Variants in RAPGEF4 observed in about 807,000 individuals in gnomAD.
RAPGEF4 encodes the protein Rap guanine nucleotide exchange factor 4.
Under a neutral mutation model 147.9 loss-of-function variants are expected in RAPGEF4, and 66 were observed. The observed-to-expected ratio is 0.45, with a 90% confidence interval of 0.37 to 0.55. RAPGEF4 has a LOEUF of 0.55. Among genes scored for constraint, RAPGEF4 ranks in the 20% least tolerant of loss-of-function variants. The pLI is 0.00. For missense variants in RAPGEF4, 1,071 were observed against 1,257.3 expected (o/e 0.85, Z 2.24); for synonymous variants, 419 against 442.7 (o/e 0.95, Z 0.67).
Position 173,018,718 on chromosome 2 carries a change from T to G in RAPGEF4, c.2071T>G (p.Ser691Ala). 6.2e-7 allele frequency: 1 copy of G among 1,614,110 alleles called. No homozygotes were observed. Among genetic ancestry groups the G allele is most frequent in the Non-Finnish European group, 8.5e-7 (1 of 1,180,018 alleles). The change falls in exon 22 of 31, where the codon TCG (serine) becomes GCG (alanine). Residue 691 changes from serine (S) to alanine (A), a missense_variant. Coordinates refer to ENST00000397081, the MANE Select transcript of RAPGEF4 (RefSeq NM_007023.4). The part of the protein sequence containing the change: ...YTTIRVPVAT[S>A]VKEVISAVAD... Reference sequence around the variant, plus strand: ...AACCATTCGGGTGCCAGTGGCCACTTCGGTGAAGGAAGTCATCAGTGCAGT... The same window carrying G: ...AACCATTCGGGTGCCAGTGGCCACTGCGGTGAAGGAAGTCATCAGTGCAGT...
chr2:172,903,052 G>C (rs1699237226), intron 4 of RAPGEF4, among the ~76,000 whole-genome samples: 1 of 152,120 alleles, frequency 6.6e-6, no homozygotes, highest in African/African-American at 2.4e-5. Context: ...CAGAAAAGCT[G>C]GCGGAGTTTA....
At chr2:172,868,019 C>T (rs1418740234) in intron 4 of RAPGEF4, among the ~76,000 whole-genome samples, 1 of 152,078 alleles carries the variant, frequency 6.6e-6, no homozygotes. Context: ...CAAATCATGT[C>T]GTAGTTAAAT....
intron 4 of RAPGEF4, among the ~76,000 whole-genome samples, chr2:172,885,571 G>GCACTTCTTA (rs1263609706): frequency 1.3e-5 from 2 of 152,134 alleles, no homozygotes; most frequent in African/African-American, 2.4e-5. Flanking sequence ...AAGGCAAAAG[G>GCACTTCTTA]CACTTCTTAT....
At chr2:172,774,494 T>C (rs1033549634) in intron 1 of RAPGEF4, among the ~76,000 whole-genome samples, 3 of 152,216 alleles carry the variant, frequency 2.0e-5, no homozygotes, top group Non-Finnish European at 4.4e-5. Flanking sequence ...CTTTATTATT[T>C]TGCTGTCTGG....
chr2:172,869,609 C>A (rs74990051), intron 4 of RAPGEF4, among the ~76,000 whole-genome samples: 2,176 of 152,156 alleles, frequency 0.014, 69 homozygotes, highest in African/African-American at 0.05. Context: ...AGCCATCCAC[C>A]CTCTCACTGC....
chr2:173,033,282 G>A (rs72909478), intron 26 of RAPGEF4, among the ~76,000 whole-genome samples: 39,014 of 152,006 alleles, frequency 0.26, 5,273 homozygotes, highest in Non-Finnish European at 0.28. Flanking sequence ...TGAATTACAG[G>A]CTCTAATGAG....
chr2:173,017,149 A>C (rs779914499), intron 19 of RAPGEF4, 25 bp from the exon 20 acceptor site: 8 of 1,608,238 alleles, frequency 5.0e-6, no homozygotes, highest in Non-Finnish European at 6.8e-6. Flanking sequence ...GGTATTAAAT[A>C]ATGTGCTTTC....
intron 6 of RAPGEF4, among the ~76,000 whole-genome samples, chr2:172,935,184 C>A (rs534558356): frequency 9.9e-5 from 15 of 152,070 alleles, no homozygotes; most frequent in East Asian, 5.8e-4. Context: ...CTCAAAAAAA[C>A]CAAACAAGAG....
chr2:172,881,122 G>A (rs1189259058), intron 4 of RAPGEF4, among the ~76,000 whole-genome samples: 3 of 152,196 alleles, frequency 2.0e-5, no homozygotes, highest in Non-Finnish European at 4.4e-5. Flanking sequence ...CGCTTGTGGA[G>A]GTGTGTGGAG....
chr2:172,833,978 G>A (rs536336259), intron 4 of RAPGEF4, among the ~76,000 whole-genome samples: 2 of 152,268 alleles, frequency 1.3e-5, no homozygotes, highest in East Asian at 3.9e-4. Context: ...TTCTACTGGG[G>A]AGATGCTACT....
At chr2:173,007,606 T>C (rs1270681078) in intron 17 of RAPGEF4, among the ~76,000 whole-genome samples, 1 of 152,220 alleles carries the variant, frequency 6.6e-6, no homozygotes, top group Non-Finnish European at 1.5e-5. Flanking sequence ...CATTTCATCC[T>C]TGACAGCAAT....
intron 4 of RAPGEF4, among the ~76,000 whole-genome samples, chr2:172,848,677 A>C (rs1489590606): frequency 2.0e-5 from 3 of 152,158 alleles, no homozygotes; most frequent in Non-Finnish European, 4.4e-5. Context: ...TCAAAGTTTT[A>C]CAAAGCTTCA....
At chr2:172,797,703 C>A in intron 3 of RAPGEF4, 90 bp downstream of exon 3, 3 of 992,308 alleles carry the variant, frequency 3.0e-6, no homozygotes, top group Non-Finnish European at 4.5e-6. Context: ...ATTACATTTT[C>A]AAGTCCATTT....
intron 4 of RAPGEF4, among the ~76,000 whole-genome samples, chr2:172,858,458 A>C (rs932016034): frequency 6.6e-6 from 1 of 152,184 alleles, no homozygotes; most frequent in African/African-American, 2.4e-5. Flanking sequence ...CTCGGATACC[A>C]TACTCCAGTG....
intron 1 of RAPGEF4, among the ~76,000 whole-genome samples, chr2:172,745,457 T>A (rs1213583194): frequency 6.6e-6 from 1 of 152,126 alleles, no homozygotes; most frequent in East Asian, 1.9e-4. Context: ...TGTGTCTTTT[T>A]TTTTTAATTC....
intron 1 of RAPGEF4, among the ~76,000 whole-genome samples, chr2:172,769,732 A>G (rs565934191): frequency 1.3e-5 from 2 of 152,164 alleles, no homozygotes; most frequent in Non-Finnish European, 2.9e-5. Flanking sequence ...AAAATATATG[A>G]TGTCCAACTG....
chr2:172,763,788 A>G (rs1435818362), intron 1 of RAPGEF4, among the ~76,000 whole-genome samples: 2 of 152,230 alleles, frequency 1.3e-5, no homozygotes, highest in South Asian at 4.1e-4. Context: ...AGTTTAATGC[A>G]ATGAAAATAT....
intron 3 of RAPGEF4, among the ~76,000 whole-genome samples, chr2:172,808,813 C>G (rs1485510995): frequency 2.0e-5 from 3 of 152,210 alleles, no homozygotes; most frequent in South Asian, 2.1e-4. Flanking sequence ...TACCAAGGCC[C>G]GTGGCTTTTC....
chr2:173,003,507 G>A (rs913513836), intron 17 of RAPGEF4, among the ~76,000 whole-genome samples: 6 of 152,162 alleles, frequency 3.9e-5, no homozygotes, highest in African/African-American at 1.2e-4. Flanking sequence ...TGTGTCAGGT[G>A]CATGCTAAGA....
Sources: allele counts gnomAD v4.1 joint callset (sites outside exome capture counted in the v4.1 genomes callset), GRCh38; gene constraint gnomAD v4.1.1; transcripts MANE v1.5; gene names NCBI Gene and HGNC (gene_info 2026-07-23, HGNC 2026-07-21).